Variants in TMEM114 observed in about 807,000 individuals in gnomAD.
TMEM114 encodes the protein claudin-26.
TMEM114 carries 6 observed loss-of-function variants against 6.2 expected under a neutral mutation model. The observed-to-expected ratio is 0.97, with a 90% CI of 0.53 to 1.91. The LOEUF (loss-of-function observed/expected upper bound fraction) is 1.91. Among genes scored for constraint, TMEM114 ranks in the 40% most tolerant of loss-of-function variants. TMEM114 has a pLI of 0.01. For synonymous variants in TMEM114, 104 were observed against 73.0 expected (o/e 1.42, Z -2.16); for missense variants, 218 against 158.3 (o/e 1.38, Z -2.02).
intron 2 of TMEM114, among the ~76,000 whole-genome samples, chr16:8,562,713 T>G (rs967088756): frequency 2.0e-5 from 3 of 150,112 alleles, no homozygotes; most frequent in Admixed American, 2.0e-4. Context: ...AGTAAATGAG[T>G]GAGTGAGGGA....
At chr16:8,542,407 G>C (rs1362871969) in intron 2 of TMEM114, among the ~76,000 whole-genome samples, 2 of 152,180 alleles carry the variant, frequency 1.3e-5, no homozygotes, top group Admixed American at 1.3e-4. Context: ...GTCTCCCTTA[G>C]TCATCCCAGG....
At position 8,563,627 on chromosome 16, in the gene TMEM114, G is replaced by A. The variant is rs567982709; in HGVS notation, n.212+25586C>T. Among the ~76,000 whole-genome samples the A allele has an allele frequency of 1.8e-4, 27 of 147,712 alleles. 1 individual carries two copies. Among genetic ancestry groups the A allele is most frequent in the African/African-American group, 6.1e-4 (23 of 37,692 alleles). On this transcript the variant is annotated intron_variant and non_coding_transcript_variant, in intron 2 of 2. Transcript: ENST00000623677. ...TGAGTAAATGAGTGACTGAATGAGTGAGTGAATGAGTAAATGAGTGAGTGA... is the reference window on the plus strand; with the variant it reads ...TGAGTAAATGAGTGACTGAATGAGTAAGTGAATGAGTAAATGAGTGAGTGA...
downstream of TMEM114, among the ~76,000 whole-genome samples, chr16:8,565,425 G>T (rs986775714): frequency 6.6e-6 from 1 of 152,176 alleles, no homozygotes; most frequent in Non-Finnish European, 1.5e-5. Context: ...GAGAAAGAGA[G>T]CGGCCAGTTG....
chr16:8,549,665 G>A (rs1900782603), intron 2 of TMEM114, among the ~76,000 whole-genome samples: 1 of 152,048 alleles, frequency 6.6e-6, no homozygotes, highest in Non-Finnish European at 1.5e-5. Flanking sequence ...GTTGTAATAG[G>A]AAATGGTAGT....
intron 2 of TMEM114, among the ~76,000 whole-genome samples, chr16:8,581,932 G>A (rs1185159342): frequency 6.6e-6 from 1 of 152,178 alleles, no homozygotes. Flanking sequence ...AAATCACACT[G>A]AGAGTTCCTC....
intron 2 of TMEM114, among the ~76,000 whole-genome samples, chr16:8,539,541 C>A (rs148856461): frequency 2.0e-5 from 3 of 152,252 alleles, no homozygotes; most frequent in East Asian, 3.9e-4. Flanking sequence ...CATCCTCCCA[C>A]GCTCCAATTC....
intron 2 of TMEM114, among the ~76,000 whole-genome samples, chr16:8,587,577 G>A (rs1902355410): frequency 6.6e-6 from 1 of 152,240 alleles, no homozygotes; most frequent in African/African-American, 2.4e-5. Flanking sequence ...ACTGGCCAAG[G>A]CCAGCACAGC....
chr16:8,551,872 A>G (rs1900854530), intron 2 of TMEM114, among the ~76,000 whole-genome samples: 1 of 152,216 alleles, frequency 6.6e-6, no homozygotes, highest in Admixed American at 6.5e-5. Context: ...GGATACACAA[A>G]CTATACTACA....
chr16:8,556,708 G>A lies in TMEM114; in HGVS notation n.213-18882C>T, dbSNP rs534937333. 3.9e-5 allele frequency among the ~76,000 whole-genome samples: 6 copies of A among 152,200 alleles called. No individual in the cohort carries two copies. The South Asian group carries it at 1.2e-3, about 32-fold the overall frequency. ...AGTAGAGATGGGGTTTCACCATGTTGGCCAGGCTGGTCTCGAACTCCTGAC... is the reference window on the plus strand; with the variant it reads ...AGTAGAGATGGGGTTTCACCATGTTAGCCAGGCTGGTCTCGAACTCCTGAC... On this transcript the variant is annotated intron_variant and non_coding_transcript_variant, in intron 2 of 2. Transcript: ENST00000623677.
At chr16:8,536,356 A>G (rs930390744), downstream of TMEM114, among the ~76,000 whole-genome samples, 1 of 152,200 alleles carries the variant, frequency 6.6e-6, no homozygotes, top group Non-Finnish European at 1.5e-5. Context: ...AATAATTTGT[A>G]CATAGCTAAC....
At chr16:8,536,710 G>A (rs534350386), downstream of TMEM114, among the ~76,000 whole-genome samples, 15 of 152,024 alleles carry the variant, frequency 9.9e-5, no homozygotes, top group African/African-American at 2.9e-4. Context: ...TTGCTTCCAT[G>A]TTTTAATCAT....
chr16:8,561,481 T>C (rs899261835), intron 2 of TMEM114, among the ~76,000 whole-genome samples: 2 of 152,232 alleles, frequency 1.3e-5, no homozygotes, highest in Admixed American at 1.3e-4. Context: ...GACCCCAGAA[T>C]GTCAGCTTCA....
chr16:8,563,408 AGTT>A (rs1901361426), intron 2 of TMEM114, among the ~76,000 whole-genome samples: 2 of 147,304 alleles, frequency 1.4e-5, no homozygotes, highest in Admixed American at 6.7e-5. Context: ...TAAACGAGTG[AGTT>A]AATTAGTGAG....
At chr16:8,534,882 G>C (rs1194624882), downstream of TMEM114, among the ~76,000 whole-genome samples, 1 of 152,176 alleles carries the variant, frequency 6.6e-6, no homozygotes, top group East Asian at 1.9e-4. Context: ...TTCCCCATTG[G>C]GATCTTGGGA....
At chr16:8,570,104 G>C in intron 3 of TMEM114, 99 bp from the exon 4 acceptor site, 2 of 1,437,350 alleles carry the variant, frequency 1.4e-6, no homozygotes, top group East Asian at 2.5e-5. Flanking sequence ...TCAGCGTCCA[G>C]CGTCCTCGCT....
At chr16:8,553,941 C>G (rs1280723180) in intron 2 of TMEM114, among the ~76,000 whole-genome samples, 1 of 151,474 alleles carries the variant, frequency 6.6e-6, no homozygotes. Flanking sequence ...TACAGTGGTG[C>G]AATCTCAGCT....
At chr16:8,555,368 G>A (rs9937022) in intron 2 of TMEM114, among the ~76,000 whole-genome samples, 44,117 of 152,006 alleles carry the variant, frequency 0.29, 6,544 homozygotes, top group South Asian at 0.37. Context: ...GCTAAGAGTA[G>A]CAGCTCAGGG....
At chr16:8,556,121 A>G (rs1901002107) in intron 2 of TMEM114, among the ~76,000 whole-genome samples, 1 of 152,128 alleles carries the variant, frequency 6.6e-6, no homozygotes, top group South Asian at 2.1e-4. Flanking sequence ...TCCTGCATCC[A>G]TCACTCACCC....
intron 2 of TMEM114, among the ~76,000 whole-genome samples, chr16:8,543,112 G>T (rs1900561969): frequency 2.0e-5 from 3 of 152,146 alleles, no homozygotes; most frequent in South Asian, 4.1e-4. Context: ...ATTGATGTCA[G>T]TTCAGACTTC....
Sources: gnomAD v4.1 joint callset for allele counts (sites outside exome capture counted in the v4.1 genomes callset) on GRCh38, gnomAD v4.1.1 for gene constraint, MANE v1.5 for transcripts, NCBI Gene and HGNC (gene_info 2026-07-23, HGNC 2026-07-21) for gene names.